RREB1: variants seen among roughly 807,000 people sequenced by gnomAD.
RREB1 encodes the protein ras-responsive element-binding protein 1.
Under a neutral mutation model 117.8 loss-of-function variants are expected in RREB1, and 27 were observed. The observed-to-expected ratio is 0.23, with a 90% CI of 0.17 to 0.32. The LOEUF (loss-of-function observed/expected upper bound fraction) is 0.32. RREB1 is among the 10% of genes least tolerant of loss of function. The pLI, the probability that RREB1 is intolerant of heterozygous loss-of-function variation, is 1.00. For missense variants in RREB1, 2,577 were observed against 2,378.2 expected, an observed-to-expected ratio of 1.08 and a Z score of -1.74; for synonymous variants, 1,298 against 1,026.7, an observed-to-expected ratio of 1.26 and a Z score of -5.05.
At chr6:7,187,305 C>T in intron 4 of RREB1, 129 bp from the exon 5 acceptor site, 1 of 478,230 alleles carries the variant, frequency 2.1e-6, no homozygotes, top group Admixed American at 3.5e-5. Context: ...AAGCTTATAC[C>T]TGGGCAGGTT....
chr6:7,231,814 T>C lies in RREB1; in HGVS notation c.3715T>C (p.Tyr1239His). The C allele has an allele frequency of 6.2e-7, 1 of 1,613,672 alleles. No homozygotes were observed. Among genetic ancestry groups the C allele is most frequent in the Non-Finnish European group, 8.5e-7 (1 of 1,180,016 alleles). ...GCTGCTGAGGGCCAAGCGGAACTCG[T>C]ACACCAACTGCCTGCAGAAGATCAC... is the stretch of plus-strand genomic sequence containing the variant. ...DKLLRAKRNS[Y>H]TNCLQKITCP... Residue 1239 changes from tyrosine to histidine, a missense_variant, in exon 10 of 13, where the codon TAC (tyrosine) becomes CAC (histidine). Tyr to His is a moderately conservative substitution (Grantham distance 83). Coordinates refer to ENST00000379938, the MANE Select transcript of RREB1 (RefSeq NM_001003699.4).
At chr6:7,170,938 C>A (rs1225741124) in intron 1 of RREB1, among the ~76,000 whole-genome samples, 1 of 152,132 alleles carries the variant, frequency 6.6e-6, no homozygotes, top group Non-Finnish European at 1.5e-5. Flanking sequence ...GTGCCAGCCC[C>A]CAGAGGGTTT....
intron 1 of RREB1, among the ~76,000 whole-genome samples, chr6:7,143,157 C>A (rs141591547): frequency 6.6e-6 from 1 of 152,356 alleles, no homozygotes; most frequent in African/African-American, 2.4e-5. Flanking sequence ...GGCTGGCTTG[C>A]TTGCTTGCTG....
chr6:7,224,949 AG>A (rs1170373495), intron 8 of RREB1, among the ~76,000 whole-genome samples: 1 of 152,060 alleles, frequency 6.6e-6, no homozygotes, highest in East Asian at 1.9e-4. Flanking sequence ...CAGGGGAGCC[AG>A]GGGAGGAGCA....
chr6:7,237,835 A>G (rs1768436092), intron 10 of RREB1, among the ~76,000 whole-genome samples: 2 of 152,342 alleles, frequency 1.3e-5, no homozygotes, highest in South Asian at 2.1e-4. Flanking sequence ...CTAATGACTC[A>G]TGTGAGTTGT....
rs923585439 is a variant in RREB1 at position 7,229,580 on chromosome 6, C to T, written c.1481C>T (p.Ala494Val). 2 of 1,612,016 alleles carry T rather than the reference C, an allele frequency of 1.2e-6. No homozygotes were observed. Among genetic ancestry groups the T allele is most frequent in the Non-Finnish European group, 8.5e-7 (1 of 1,178,548 alleles). ...ISLPPFSKAP[A>V]APLQAIFKHM... is the part of the protein sequence containing the mutation. The stretch of plus-strand genomic sequence containing the variant: ...CTTCCGCCCTTCTCCAAGGCCCCTG[C>T]CGCCCCACTGCAGGCGATCTTCAAG... The change falls in exon 10 of 13, where the codon GCC (alanine) becomes GTC (valine). Residue 494 changes from alanine (A) to valine (V), a missense_variant. Ala to Val is a moderately conservative substitution (Grantham distance 64). Transcript: ENST00000379938. The surrounding 1 kb of genome is among the most constrained non-coding windows in gnomAD (Gnocchi z 4.5).
At chr6:7,137,986 G>A (rs550713263) in intron 1 of RREB1, among the ~76,000 whole-genome samples, 3 of 152,132 alleles carry the variant, frequency 2.0e-5, no homozygotes, top group African/African-American at 4.8e-5. Context: ...ACTCACTTAC[G>A]CCTAGTCAGG....
chr6:7,220,725 T>G (rs1767199045), intron 8 of RREB1, among the ~76,000 whole-genome samples: 1 of 152,204 alleles, frequency 6.6e-6, no homozygotes, highest in African/African-American at 2.4e-5. Context: ...AGCCCTCCCC[T>G]CTCCTGTGGC....
chr6:7,192,116 A>ATTTTTTTTTTTTTTT (rs34074532), intron 6 of RREB1, among the ~76,000 whole-genome samples: 8 of 15,318 alleles, frequency 5.2e-4, no homozygotes, highest in East Asian at 3.5e-3. Context: ...TTGTCAGATG[A>ATTTTTTTTTTTTTTT]TTTTTTTTTT....
At position 7,117,404 on chromosome 6, in the gene RREB1, T is replaced by G. The variant is rs932920339; in HGVS notation, c.-285+9344T>G. On this transcript the variant is annotated intron_variant, in intron 1 of 12. Transcript: ENST00000379938. ...AGGTTTCCTGTTTTTTTTTTTTTTT[T>G]TTTTTTTTTTTTTTTTTTTTTGAGA... Among the ~76,000 whole-genome samples the G allele has an allele frequency of 1.2e-4, 13 of 112,554 alleles. No homozygotes were observed. The South Asian group carries it at 2.4e-3, about 21-fold the overall frequency. 73.8% of individuals were successfully genotyped at this position (112,554 alleles called of 152,430 possible).
chr6:7,149,641 TG>T (rs1763024206), intron 1 of RREB1, among the ~76,000 whole-genome samples: 1 of 152,206 alleles, frequency 6.6e-6, no homozygotes, highest in South Asian at 2.1e-4. Flanking sequence ...AATCCTAACT[TG>T]GAAAATAATA....
intron 8 of RREB1, among the ~76,000 whole-genome samples, chr6:7,222,609 G>A (rs1468332570): frequency 3.9e-5 from 6 of 152,152 alleles, no homozygotes. Context: ...ATTTAAGGGT[G>A]AGGGAGAGAA....
intron 3 of RREB1, chr6:7,181,576 A>G (rs1449754257): frequency 3.7e-6 from 2 of 542,156 alleles, no homozygotes; most frequent in African/African-American, 3.9e-5. Context: ...GGCCTTTCCC[A>G]CTCTGCCTAA....
intron 1 of RREB1, among the ~76,000 whole-genome samples, chr6:7,172,722 C>A (rs1016320524): frequency 6.6e-6 from 1 of 151,892 alleles, no homozygotes; most frequent in African/African-American, 2.4e-5. Flanking sequence ...CTTGGGTTGC[C>A]GCCCTATCCA....
chr6:7,241,252 T>G (rs980412695), intron 11 of RREB1, among the ~76,000 whole-genome samples: 1 of 152,170 alleles, frequency 6.6e-6, no homozygotes, highest in African/African-American at 2.4e-5. Flanking sequence ...CGATACGTCT[T>G]GTGCCACCTT....
chr6:7,248,118 C>T (rs577286760), intron 12 of RREB1, among the ~76,000 whole-genome samples: 1 of 152,378 alleles, frequency 6.6e-6, no homozygotes, highest in Admixed American at 6.5e-5. Context: ...CAGAGGGTAA[C>T]TGGTGCCCCC....
chr6:7,118,246 G>C (rs1279043974), intron 1 of RREB1, among the ~76,000 whole-genome samples: 1 of 152,070 alleles, frequency 6.6e-6, no homozygotes, highest in Middle Eastern at 3.2e-3. Context: ...TCAGCCTCCT[G>C]AGTAGCTGGG....
At chr6:7,157,081 CT>C (rs1170691925) in intron 1 of RREB1, among the ~76,000 whole-genome samples, 1 of 152,182 alleles carries the variant, frequency 6.6e-6, no homozygotes, top group African/African-American at 2.4e-5. Context: ...CTTTTCTCTT[CT>C]TCTTACTCAT....
intron 8 of RREB1, among the ~76,000 whole-genome samples, chr6:7,220,010 C>A (rs939963712): frequency 6.6e-6 from 1 of 152,188 alleles, no homozygotes; most frequent in Non-Finnish European, 1.5e-5. Flanking sequence ...CAATTCCACA[C>A]ACCCCAACAC....
Sources: gnomAD v4.1 joint callset for allele counts (sites outside exome capture counted in the v4.1 genomes callset) on GRCh38, gnomAD v4.1.1 for gene constraint, Gnocchi (gnomAD v3.1) non-coding constraint, MANE v1.5 for transcripts, NCBI Gene and HGNC (gene_info 2026-07-23, HGNC 2026-07-21) for gene names.